Variants in TRPM3 observed in about 807,000 individuals in gnomAD.
TRPM3 encodes transient receptor potential cation channel subfamily M member 3, also known as long transient receptor potential channel 3.
Under a neutral mutation model 181.2 loss-of-function variants are expected in TRPM3, and 77 were observed. The ratio of observed to expected loss-of-function variants is 0.42; its 90% CI spans 0.35 to 0.51. The LOEUF (loss-of-function observed/expected upper bound fraction) is 0.51. TRPM3 is among the 20% of genes least tolerant of loss of function. The probability of loss-of-function intolerance (pLI) is 0.01; values close to 1 mark genes in which losing one functional copy is unlikely to be tolerated. For synonymous variants in TRPM3, 745 were observed against 796.4 expected (o/e 0.94, Z 1.09); for missense variants, 1,759 against 2,196.7 (o/e 0.80, Z 3.98).
At chr9:71,376,562 A>G (rs893447563) in intron 1 of TRPM3, among the ~76,000 whole-genome samples, 1 of 152,018 alleles carries the variant, frequency 6.6e-6, no homozygotes. Context: ...TTTGTTAGGA[A>G]TAGGTAAATG....
chr9:71,238,484 C>T (rs2081488593), intron 1 of TRPM3, among the ~76,000 whole-genome samples: 1 of 152,144 alleles, frequency 6.6e-6, no homozygotes, highest in Non-Finnish European at 1.5e-5. Context: ...TTCCTTATCT[C>T]TCAGGTTGCA....
intron 1 of TRPM3, among the ~76,000 whole-genome samples, chr9:71,106,350 C>T (rs2069563981): frequency 6.6e-6 from 1 of 152,040 alleles, no homozygotes; most frequent in African/African-American, 2.4e-5. Flanking sequence ...AGGGCAGATC[C>T]CTCGTGAATG....
intron 1 of TRPM3, among the ~76,000 whole-genome samples, chr9:71,127,181 T>C (rs1408103063): frequency 6.6e-6 from 1 of 152,062 alleles, no homozygotes; most frequent in East Asian, 1.9e-4. Flanking sequence ...CTCATAAAGG[T>C]CCTTTAGGAA....
intron 1 of TRPM3, among the ~76,000 whole-genome samples, chr9:71,376,126 G>T (rs1009670300): frequency 1.3e-5 from 2 of 151,872 alleles, no homozygotes; most frequent in African/African-American, 4.8e-5. Flanking sequence ...TTCTAATTTG[G>T]GTGGTGAGGA....
intron 1 of TRPM3, among the ~76,000 whole-genome samples, chr9:71,347,608 T>C (rs923076405): frequency 7.9e-5 from 12 of 152,274 alleles, no homozygotes; most frequent in African/African-American, 2.9e-4. Flanking sequence ...TCATCTGTAA[T>C]TTAACACGAT....
At chr9:71,281,223 G>A (rs1430999574) in intron 1 of TRPM3, among the ~76,000 whole-genome samples, 2 of 152,190 alleles carry the variant, frequency 1.3e-5, no homozygotes, top group Admixed American at 1.3e-4. Flanking sequence ...CCTGTGTCAT[G>A]GAAGAAGCTG....
intron 9 of TRPM3, among the ~76,000 whole-genome samples, chr9:70,664,773 C>G (rs943210007): frequency 1.3e-5 from 2 of 150,358 alleles, no homozygotes; most frequent in Non-Finnish European, 2.9e-5. Flanking sequence ...GCCTCAGTCT[C>G]CCAAGTAGCT....
At chr9:71,187,307 A>G (rs1157305068) in intron 1 of TRPM3, among the ~76,000 whole-genome samples, 2 of 151,994 alleles carry the variant, frequency 1.3e-5, no homozygotes, top group East Asian at 3.9e-4. Context: ...ATTCTGTTTC[A>G]ATACATAGTT....
intron 1 of TRPM3, among the ~76,000 whole-genome samples, chr9:71,334,434 TAA>T (rs2090421825): frequency 1.3e-5 from 2 of 151,828 alleles, no homozygotes; most frequent in South Asian, 2.1e-4. Flanking sequence ...CTCCTGGATA[TAA>T]GTCATACTAA....
intron 1 of TRPM3, among the ~76,000 whole-genome samples, chr9:70,956,925 A>T (rs1469621587): frequency 6.7e-6 from 1 of 150,084 alleles, no homozygotes; most frequent in East Asian, 1.9e-4. Context: ...TTTGACATTT[A>T]AAAAAAATTT....
At chr9:71,011,284 G>A (rs2097736206) in intron 1 of TRPM3, among the ~76,000 whole-genome samples, 1 of 152,100 alleles carries the variant, frequency 6.6e-6, no homozygotes, top group Non-Finnish European at 1.5e-5. Flanking sequence ...AAGATAGCTA[G>A]AAGAGAAGAT....
At chr9:70,645,994 C>T (rs965424991) in intron 9 of TRPM3, among the ~76,000 whole-genome samples, 3 of 152,234 alleles carry the variant, frequency 2.0e-5, no homozygotes, top group African/African-American at 7.2e-5. Context: ...CATCACTGGT[C>T]ATTAGAGAAA....
chr9:70,559,814 G>T (rs1401404720), intron 22 of TRPM3, among the ~76,000 whole-genome samples: 16 of 152,072 alleles, frequency 1.1e-4, no homozygotes, highest in Non-Finnish European at 2.4e-4. Context: ...CCTCACAGTT[G>T]CCCAGGAACC....
At chr9:71,033,995 A>T (rs900074430) in intron 1 of TRPM3, among the ~76,000 whole-genome samples, 2 of 152,170 alleles carry the variant, frequency 1.3e-5, no homozygotes, top group African/African-American at 4.8e-5. Context: ...CGCACATCTT[A>T]GGGATGTGGG....
intron 1 of TRPM3, among the ~76,000 whole-genome samples, chr9:71,375,013 C>T (rs552428249): frequency 2.0e-5 from 3 of 152,184 alleles, no homozygotes; most frequent in Non-Finnish European, 4.4e-5. Context: ...TATGGCCATA[C>T]TGCCCAAAGT....
At chr9:70,836,730 G>A (rs1489817925) in intron 5 of TRPM3, among the ~76,000 whole-genome samples, 2 of 152,026 alleles carry the variant, frequency 1.3e-5, no homozygotes, top group Non-Finnish European at 2.9e-5. Flanking sequence ...AGGATCCCGG[G>A]GTAAGCCATC....
intron 20 of TRPM3, among the ~76,000 whole-genome samples, chr9:70,599,193 T>C (rs1463429028): frequency 2.0e-5 from 3 of 152,158 alleles, no homozygotes; most frequent in Non-Finnish European, 4.4e-5. Flanking sequence ...GCCTTCTAAC[T>C]GGTATCCCCA....
intron 1 of TRPM3, among the ~76,000 whole-genome samples, chr9:71,204,126 C>T (rs1487062886): frequency 6.6e-6 from 1 of 151,056 alleles, no homozygotes; most frequent in Non-Finnish European, 1.5e-5. Flanking sequence ...AAAACCTAGG[C>T]AATACCATTC....
At chr9:70,886,853 C>T (rs965958102) in intron 1 of TRPM3, among the ~76,000 whole-genome samples, 9 of 151,974 alleles carry the variant, frequency 5.9e-5, no homozygotes, top group African/African-American at 1.9e-4. Context: ...TTAGTAGAAA[C>T]GGGGTTTCAC....
Sources: allele counts gnomAD v4.1 joint callset (sites outside exome capture counted in the v4.1 genomes callset), GRCh38; gene constraint gnomAD v4.1.1; transcripts MANE v1.5; gene names NCBI Gene and HGNC (gene_info 2026-07-23, HGNC 2026-07-21).